The following GARRE1 variants were observed in gnomAD, a reference collection of about 807,000 sequenced individuals.
The protein encoded by GARRE1 is granule associated Rac and RHOG effector 1, also known as granule associated Rac and RHOG effector protein 1.
A neutral mutation model predicts 103.2 loss-of-function variants in GARRE1; 49 were observed. That is an observed-to-expected ratio of 0.47 (90% CI 0.38 to 0.60). The LOEUF (loss-of-function observed/expected upper bound fraction) is 0.60, where lower values mean the gene tolerates loss of function less well. Among genes scored for constraint, GARRE1 ranks in the 20% least tolerant of loss-of-function variants. The pLI is 0.00. For missense variants in GARRE1, 1,199 were observed against 1,370.5 expected, an observed-to-expected ratio of 0.87 and a Z score of 1.98; for synonymous variants, 505 against 532.8, an observed-to-expected ratio of 0.95 and a Z score of 0.72.
chr19:34,334,291 G>T (rs532078506), intron 8 of GARRE1, among the ~76,000 whole-genome samples: 1 of 152,142 alleles, frequency 6.6e-6, no homozygotes, highest in South Asian at 2.1e-4. Flanking sequence ...ATAGATAAAA[G>T]ATTATTCTTA....
At chr19:34,266,430 C>T (rs937894751) in intron 1 of GARRE1, among the ~76,000 whole-genome samples, 4 of 152,288 alleles carry the variant, frequency 2.6e-5, no homozygotes, top group Middle Eastern at 3.4e-3. Flanking sequence ...GGCGCAATCT[C>T]GGCTCACTGC....
chr19:34,351,163 C>T (rs998422213), intron 12 of GARRE1, among the ~76,000 whole-genome samples: 3 of 149,104 alleles, frequency 2.0e-5, no homozygotes, highest in African/African-American at 7.4e-5. Flanking sequence ...CATGCCACTG[C>T]ACTCCAGCCT....
intron 8 of GARRE1, among the ~76,000 whole-genome samples, chr19:34,338,105 C>T (rs2074169196): frequency 6.6e-6 from 1 of 152,188 alleles, no homozygotes; most frequent in Non-Finnish European, 1.5e-5. Context: ...AAGTCAAAGT[C>T]ATGTTAGGGA....
intron 1 of GARRE1, among the ~76,000 whole-genome samples, chr19:34,261,224 G>A (rs74751299): frequency 0.015 from 2,231 of 152,260 alleles, 25 homozygotes; most frequent in South Asian, 0.026. Context: ...CCTGGTCTTG[G>A]GATGCTGGCT....
chr19:34,326,341 G>A (rs2074111766), intron 3 of GARRE1, among the ~76,000 whole-genome samples: 1 of 152,188 alleles, frequency 6.6e-6, no homozygotes, highest in Non-Finnish European at 1.5e-5. Flanking sequence ...GCTAAAAAAT[G>A]TTACTTGGTT....
chr19:34,280,724 T>C (rs1047853019), intron 1 of GARRE1, among the ~76,000 whole-genome samples: 16 of 152,194 alleles, frequency 1.1e-4, no homozygotes, highest in Admixed American at 4.6e-4. Flanking sequence ...ATGGCACTTA[T>C]TTTTCGGGTT....
intron 3 of GARRE1, among the ~76,000 whole-genome samples, chr19:34,326,454 A>G (rs976069312): frequency 2.0e-5 from 3 of 152,198 alleles, no homozygotes; most frequent in African/African-American, 7.2e-5. Flanking sequence ...GTCCTGATCC[A>G]TGTATCTGTT....
intron 2 of GARRE1, among the ~76,000 whole-genome samples, chr19:34,301,795 G>C (rs1436901791): frequency 1.3e-5 from 2 of 149,848 alleles, no homozygotes; most frequent in Non-Finnish European, 3.0e-5. Context: ...CCATTCTCCT[G>C]CCTCAGCCTC....
At chr19:34,312,463 C>A (rs1054458390) in intron 2 of GARRE1, among the ~76,000 whole-genome samples, 1 of 152,192 alleles carries the variant, frequency 6.6e-6, no homozygotes, top group Non-Finnish European at 1.5e-5. Context: ...GCCCTCTCCT[C>A]CCAGCTCCTG....
intron 1 of GARRE1, among the ~76,000 whole-genome samples, chr19:34,264,600 G>A (rs1484467031): frequency 6.6e-6 from 1 of 152,102 alleles, no homozygotes; most frequent in African/African-American, 2.4e-5. Context: ...GGGTTTCACT[G>A]TGTTAGCCAG....
intron 3 of GARRE1, among the ~76,000 whole-genome samples, chr19:34,324,502 A>C (rs1041998761): frequency 1.4e-5 from 2 of 143,450 alleles, no homozygotes; most frequent in African/African-American, 5.1e-5. Flanking sequence ...TCACCAGTGC[A>C]CTTTTTTTTT....
chr19:34,275,353 C>T (rs1192792896), intron 1 of GARRE1, among the ~76,000 whole-genome samples: 1 of 152,086 alleles, frequency 6.6e-6, no homozygotes, highest in Non-Finnish European at 1.5e-5. Context: ...ATTTTCATCA[C>T]TCTGCAAATA....
Position 34,330,190 on chromosome 19 carries a change from A to G in GARRE1, c.1106A>G (p.His369Arg). Residue 369 changes from histidine to arginine, a missense_variant and splice_region_variant, in exon 7 of 14, where the codon CAT becomes CGT. Coordinates refer to ENST00000299505, the MANE Select transcript of GARRE1 (RefSeq NM_014686.5). ...AACTCTCTTCTTATCAATCTATAGC[A>G]TACAATGTTACAGCTGATGAAGGAG... ...SAADNLKLKTHTMLQLMKEAG... is the reference protein window; with the variant it reads ...SAADNLKLKTRTMLQLMKEAG... 1 of 1,613,894 alleles carries G rather than the reference A, an allele frequency of 6.2e-7. No individual in the cohort carries two copies.
intron 2 of GARRE1, among the ~76,000 whole-genome samples, chr19:34,310,622 C>T (rs185354630): frequency 1.3e-5 from 2 of 152,252 alleles, no homozygotes; most frequent in East Asian, 3.9e-4. Context: ...CCACCCTCCT[C>T]GATAAATACA....
intron 4 of GARRE1, 96 bp from the exon 5 acceptor site, chr19:34,327,675 A>T: frequency 6.8e-7 from 1 of 1,470,944 alleles, no homozygotes; most frequent in Non-Finnish European, 9.4e-7. Context: ...TTGACCTTTT[A>T]ATAGCTATAG....
intron 7 of GARRE1, among the ~76,000 whole-genome samples, chr19:34,330,727 C>CTTT (rs1213759081): frequency 2.1e-3 from 214 of 102,028 alleles, no homozygotes; most frequent in Non-Finnish European, 2.5e-3. Flanking sequence ...GACCCTGCCT[C>CTTT]TTTTTTTTTT....
chr19:34,299,001 C>A (rs2073962882), intron 1 of GARRE1, among the ~76,000 whole-genome samples: 1 of 152,154 alleles, frequency 6.6e-6, no homozygotes, highest in Non-Finnish European at 1.5e-5. Flanking sequence ...GAAACTGGTA[C>A]CGGAGTGAGG....
intron 1 of GARRE1, chr19:34,296,369 G>T: frequency 7.5e-7 from 1 of 1,335,874 alleles, no homozygotes; most frequent in Non-Finnish European, 1.1e-6. Flanking sequence ...TTTGATCCTT[G>T]GCCTTGGCCT....
chr19:34,341,844 G>T lies in GARRE1; in HGVS notation c.1910G>T (p.Gly637Val). The T allele has an allele frequency of 6.2e-7, 1 of 1,614,168 alleles. No individual in the cohort carries two copies. ...GGAGATGACGGCAAGGATGAGAAGG[G>T]TATGAACTTACCAACTGATCAGGAA... is the stretch of plus-strand genomic sequence containing the variant. ...LHGDDGKDEK[G>V]MNLPTDQEMQ... The change falls in exon 10 of 14, where the codon GGT becomes GTT. Residue 637 changes from glycine to valine, a missense_variant. Transcript: ENST00000299505.
Sources: allele counts gnomAD v4.1 joint callset (sites outside exome capture counted in the v4.1 genomes callset), GRCh38; gene constraint gnomAD v4.1.1; transcripts MANE v1.5; gene names NCBI Gene and HGNC (gene_info 2026-07-23, HGNC 2026-07-21).